The following MYO16 variants were observed in gnomAD, a reference collection of about 807,000 sequenced individuals.
MYO16 encodes myosin XVI.
Under a neutral mutation model 205.3 loss-of-function variants are expected in MYO16, and 94 were observed. The observed-to-expected ratio is 0.46, with a 90% confidence interval of 0.39 to 0.54. The LOEUF (loss-of-function observed/expected upper bound fraction) is 0.54. Among genes scored for constraint, MYO16 ranks in the 20% least tolerant of loss-of-function variants. The pLI, the probability that MYO16 is intolerant of heterozygous loss-of-function variation, is 0.00. For missense variants in MYO16, 2,315 were observed against 2,387.5 expected (o/e 0.97, Z 0.63); for synonymous variants, 988 against 954.0 (o/e 1.04, Z -0.66).
the MYO16 span, among the ~76,000 whole-genome samples, chr13:108,529,319 C>G: frequency 1.3e-5 from 2 of 152,110 alleles, no homozygotes; most frequent in Non-Finnish European, 1.5e-5. Flanking sequence ...CTAGCATGAG[C>G]CTTGAGGAGA....
intron 4 of MYO16, among the ~76,000 whole-genome samples, chr13:108,756,341 G>A (rs2139647455): frequency 6.6e-6 from 1 of 152,138 alleles, no homozygotes; most frequent in South Asian, 2.1e-4. Flanking sequence ...CAACATTGCA[G>A]CATTTCATGG....
intron 32 of MYO16, among the ~76,000 whole-genome samples, chr13:109,158,315 C>T (rs1878178761): frequency 1.3e-5 from 2 of 152,206 alleles, no homozygotes; most frequent in South Asian, 4.1e-4. Flanking sequence ...CACTAAGAAA[C>T]GTCTCTCCAC....
Position 108,928,496 on chromosome 13 carries a change from A to G in MYO16, c.1925+18346A>G, listed in dbSNP as rs368359076. 2.2e-4 allele frequency among the ~76,000 whole-genome samples: 33 copies of G among 152,272 alleles called. No homozygotes were observed. The South Asian group carries it at 6.6e-3, about 31-fold the overall frequency. On this transcript the variant is annotated intron_variant, in intron 16 of 34. Coordinates refer to ENST00000457511, the MANE Select transcript of MYO16 (RefSeq NM_001198950.3). ...TTTTATCTCTGAAGAGCAACATGGA[A>G]TTCTTGCATTTGAATAAGTCATGTC...
chr13:109,055,347 T>C lies in MYO16; in HGVS notation c.3130-43T>C, dbSNP rs1478607875. On this transcript the variant is annotated intron_variant, in intron 26 of 34. Coordinates refer to ENST00000457511, the MANE Select transcript of MYO16 (RefSeq NM_001198950.3). This position sits in a 1 kb window ranked among gnomAD's most constrained non-coding sequence, Gnocchi z 5.0. ...AAAACTGCTTTATATTTTTAGCTAG[T>C]GTCTCCTTTGGAGAATCAGTTGGGT... is the stretch of plus-strand genomic sequence containing the variant. The C allele has an allele frequency of 1.4e-6, 2 of 1,475,660 alleles. No individual in the cohort carries two copies. Among genetic ancestry groups the C allele is most frequent in the Admixed American group, 1.9e-5 (1 of 51,676 alleles). The allele number at this position is 1,475,660 out of a possible 1,614,324, so 91.4% of individuals were successfully genotyped here.
At chr13:109,103,468 AT>A (rs1436418597) in intron 28 of MYO16, among the ~76,000 whole-genome samples, 1 of 152,152 alleles carries the variant, frequency 6.6e-6, no homozygotes, top group Non-Finnish European at 1.5e-5. Context: ...TCTTTTCCAT[AT>A]TTTTAAAAGC....
rs374101127 is a variant in MYO16 at position 108,642,568 on chromosome 13, C to G, written c.28+12696C>G. Among the ~76,000 whole-genome samples the G allele has an allele frequency of 7.9e-5, 12 of 152,224 alleles. No homozygotes were observed. The South Asian group carries it at 1.0e-3, about 13-fold the overall frequency. On this transcript the variant is annotated intron_variant, in intron 1 of 34. Transcript: ENST00000457511. ...GAGTAGCTGAGACTACAGGCATGCACCACCACGCCCAGCTAATTTTTGTAT... is the reference window on the plus strand; with the variant it reads ...GAGTAGCTGAGACTACAGGCATGCAGCACCACGCCCAGCTAATTTTTGTAT...
At chr13:109,081,432 G>A (rs76720151) in intron 27 of MYO16, among the ~76,000 whole-genome samples, 2,652 of 152,246 alleles carry the variant, frequency 0.017, 71 homozygotes, top group African/African-American at 0.061. Flanking sequence ...AGGATACAAA[G>A]ATGAGTAGGT....
intron 12 of MYO16, among the ~76,000 whole-genome samples, chr13:108,881,042 A>G (rs1445176185): frequency 6.6e-6 from 1 of 152,212 alleles, no homozygotes; most frequent in African/African-American, 2.4e-5. Context: ...ACCTCCCAGT[A>G]GCGGATGACT....
intron 1 of MYO16, among the ~76,000 whole-genome samples, chr13:108,599,587 A>G (rs1878689154): frequency 6.6e-6 from 1 of 152,206 alleles, no homozygotes; most frequent in African/African-American, 2.4e-5. Context: ...TACCATATAG[A>G]AGAGCATCTA....
At chr13:108,738,830 G>A in intron 4 of MYO16, among the ~76,000 whole-genome samples, 1 of 152,092 alleles carries the variant, frequency 6.6e-6, no homozygotes, top group Non-Finnish European at 1.5e-5. Context: ...CCTGTATTGG[G>A]TGCATATATA....
At chr13:108,497,524 T>C in the MYO16 span, among the ~76,000 whole-genome samples, 3 of 152,198 alleles carry the variant, frequency 2.0e-5, no homozygotes, top group Non-Finnish European at 2.9e-5. Flanking sequence ...CTACTTGCTA[T>C]AGACATCACC....
intron 27 of MYO16, among the ~76,000 whole-genome samples, chr13:109,091,019 C>T (rs1319288460): frequency 2.0e-5 from 3 of 152,180 alleles, no homozygotes; most frequent in African/African-American, 7.2e-5. Context: ...ACCATGCAGC[C>T]TTCTGAATGC....
At chr13:108,803,535 A>T (rs1321576203) in intron 6 of MYO16, among the ~76,000 whole-genome samples, 1 of 152,182 alleles carries the variant, frequency 6.6e-6, no homozygotes, top group Non-Finnish European at 1.5e-5. Context: ...ACTGATCCTT[A>T]TATGGGATCA....
At chr13:108,793,491 G>C (rs1886685568) in intron 5 of MYO16, 25 bp from the exon 6 acceptor site, 1 of 1,610,324 alleles carries the variant, frequency 6.2e-7, no homozygotes, top group East Asian at 2.2e-5. Context: ...CTCCATTCTG[G>C]TTGAAAGGCT....
At chr13:108,927,855 C>T (rs1461143626) in intron 16 of MYO16, among the ~76,000 whole-genome samples, 1 of 152,172 alleles carries the variant, frequency 6.6e-6, no homozygotes, top group East Asian at 1.9e-4. Context: ...TCCGGAGTGC[C>T]CGAGGTCACC....
chr13:109,055,242 A>G lies in MYO16; in HGVS notation c.3129+116A>G. ...CTTAAATATCTTCACAAAAAAAGTA[A>G]ACATACACACACACACACACACACA... is the stretch of plus-strand genomic sequence containing the variant. On this transcript the variant is annotated intron_variant, in intron 26 of 34. Transcript: ENST00000457511. This position sits in a 1 kb window ranked among gnomAD's most constrained non-coding sequence, Gnocchi z 5.0. The G allele has an allele frequency of 1.2e-6, 1 of 859,462 alleles. No individual in the cohort carries two copies. The highest frequency in any genetic ancestry group is 1.7e-6 in the Non-Finnish European group (1 of 593,450). The allele number at this position is 859,462 out of a possible 1,614,324, so 53.2% of individuals were successfully genotyped here. A position where few individuals can be genotyped will look rare whatever the true frequency, so the allele number is the denominator to read the frequency against.
chr13:109,166,446 T>C (rs574441679), intron 33 of MYO16, among the ~76,000 whole-genome samples: 2 of 152,050 alleles, frequency 1.3e-5, no homozygotes, highest in Admixed American at 6.5e-5. Context: ...AAGGGAAGAA[T>C]GGAAACTCCA....
chr13:108,610,617 G>A (rs567712390), intron 1 of MYO16, among the ~76,000 whole-genome samples: 118 of 152,292 alleles, frequency 7.7e-4, no homozygotes, highest in Non-Finnish European at 1.4e-3. Flanking sequence ...AGTTATACAA[G>A]CATTTTAAGT....
At position 108,817,321 on chromosome 13, in the gene MYO16, G is replaced by C. The variant is rs9583296; in HGVS notation, c.868-3016G>C. On this transcript the variant is annotated intron_variant, in intron 7 of 34. Coordinates refer to ENST00000457511, the MANE Select transcript of MYO16 (RefSeq NM_001198950.3). ...ATGATGAACATATTGTAATGTAGTT[G>C]TACAGTGGACTACAACTCAACAATG... is the stretch of plus-strand genomic sequence containing the variant. Among the ~76,000 whole-genome samples the C allele has an allele frequency of 9.1e-3, 1,387 of 152,316 alleles. 21 individuals are homozygous for C. The highest frequency in any genetic ancestry group is 0.032 in the African/African-American group (1,324 of 41,566).
Sources: gnomAD v4.1 joint callset for allele counts (sites outside exome capture counted in the v4.1 genomes callset) on GRCh38, gnomAD v4.1.1 for gene constraint, Gnocchi (gnomAD v3.1) non-coding constraint, MANE v1.5 for transcripts, NCBI Gene and HGNC (gene_info 2026-07-23, HGNC 2026-07-21) for gene names.